The following KLHL3 variants were observed in gnomAD, a reference collection of about 807,000 sequenced individuals.
The protein encoded by KLHL3 is kelch like family member 3.
A neutral mutation model predicts 70.5 loss-of-function variants in KLHL3; 19 were observed. The ratio of observed to expected loss-of-function variants is 0.27; its 90% CI spans 0.19 to 0.40. The LOEUF (loss-of-function observed/expected upper bound fraction) is 0.40. KLHL3 is among the 10% of genes least tolerant of loss of function. The pLI, the probability that KLHL3 is intolerant of heterozygous loss-of-function variation, is 1.00. For missense variants in KLHL3, 512 were observed against 771.1 expected (o/e 0.66, Z 3.98); for synonymous variants, 258 against 290.3 (o/e 0.89, Z 1.13).
chr5:137,656,059 CA>C (rs959231157), intron 8 of KLHL3, among the ~76,000 whole-genome samples: 13 of 149,702 alleles, frequency 8.7e-5, no homozygotes, highest in Admixed American at 8.0e-4. Context: ...AAAAATGAGC[CA>C]GGGACATGAA....
At chr5:137,690,554 A>C (rs943749327) in intron 5 of KLHL3, among the ~76,000 whole-genome samples, 1 of 152,104 alleles carries the variant, frequency 6.6e-6, no homozygotes, top group Non-Finnish European at 1.5e-5. Context: ...CAGGACTCAG[A>C]ATTGAGGCTA....
chr5:137,703,063 G>GT (rs796929059), intron 3 of KLHL3, among the ~76,000 whole-genome samples: 45 of 152,286 alleles, frequency 3.0e-4, no homozygotes, highest in African/African-American at 9.4e-4. Context: ...AGGTTATTAA[G>GT]TAAATAAAGC....
At chr5:137,713,526 T>G (rs544732735) in intron 2 of KLHL3, among the ~76,000 whole-genome samples, 1 of 152,214 alleles carries the variant, frequency 6.6e-6, no homozygotes, top group Non-Finnish European at 1.5e-5. Flanking sequence ...ATACAAAAAT[T>G]TACTTAAAAT....
At chr5:137,716,294 C>G (rs962132251) in intron 2 of KLHL3, among the ~76,000 whole-genome samples, 10 of 151,888 alleles carry the variant, frequency 6.6e-5, no homozygotes, top group African/African-American at 2.4e-4. Flanking sequence ...AAGTGATCCT[C>G]CTGCAAAGCT....
At chr5:137,704,229 C>T (rs1042650013) in intron 3 of KLHL3, among the ~76,000 whole-genome samples, 10 of 151,870 alleles carry the variant, frequency 6.6e-5, no homozygotes, top group African/African-American at 9.7e-5. Flanking sequence ...ACTAAAAATA[C>T]AAAAAATTAG....
chr5:137,664,688 C>T (rs1458204566), intron 6 of KLHL3, among the ~76,000 whole-genome samples: 3 of 151,908 alleles, frequency 2.0e-5, no homozygotes, highest in East Asian at 1.9e-4. Context: ...CATGGTGGCA[C>T]GTGTCTGTAG....
At chr5:137,678,900 C>T (rs1268877842) in intron 5 of KLHL3, among the ~76,000 whole-genome samples, 1 of 151,984 alleles carries the variant, frequency 6.6e-6, no homozygotes, top group Non-Finnish European at 1.5e-5. Flanking sequence ...CATCTTGAAA[C>T]TCAGGAATAT....
At chr5:137,718,911 G>T (rs1181996351) in intron 2 of KLHL3, among the ~76,000 whole-genome samples, 2 of 152,216 alleles carry the variant, frequency 1.3e-5, no homozygotes, top group Non-Finnish European at 2.9e-5. Flanking sequence ...AGGCCCTGTA[G>T]AAAGGAGACA....
chr5:137,646,898 T>C (rs887410627), intron 8 of KLHL3, among the ~76,000 whole-genome samples: 2 of 152,220 alleles, frequency 1.3e-5, no homozygotes, highest in South Asian at 2.1e-4. Flanking sequence ...ACAATTATGC[T>C]AGACTGAACA....
chr5:137,674,164 T>C (rs988156237), intron 6 of KLHL3, among the ~76,000 whole-genome samples: 1 of 152,226 alleles, frequency 6.6e-6, no homozygotes, highest in African/African-American at 2.4e-5. Flanking sequence ...ACAAGGTAGA[T>C]ACTATACTAC....
In KLHL3 at chr5:137,652,256, A is replaced by G. The variant is rs1298440809; in HGVS notation, c.903+5875T>C. Among the ~76,000 whole-genome samples, 3 of 152,228 alleles carry G rather than the reference A, an allele frequency of 2.0e-5. No individual in the cohort carries two copies. In the East Asian group the frequency reaches 5.8e-4, roughly 29 times the overall value. On this transcript the variant is annotated intron_variant, in intron 8 of 14. Transcript: ENST00000309755. ...ACAGCCACCATGGAAAACAGTGTGGAACTTGCTCAAAAAAATAAAAATAGA... is the reference window on the plus strand; with the variant it reads ...ACAGCCACCATGGAAAACAGTGTGGGACTTGCTCAAAAAAATAAAAATAGA...
rs1272332251 is a variant in KLHL3 at position 137,662,049 on chromosome 5, A to G, written c.637-18T>C. The G allele has an allele frequency of 3.1e-6, 4 of 1,293,510 alleles. No homozygotes were observed. The Admixed American group carries it at 5.2e-5, about 17-fold the overall frequency. The allele number at this position is 1,293,510 out of a possible 1,614,324, so 80.1% of individuals were successfully genotyped here. On this transcript the variant is annotated intron_variant, in intron 6 of 14. Transcript: ENST00000309755. The stretch of plus-strand genomic sequence containing the variant: ...TCAAACACCTATAAAGAAAAGCAAC[A>G]TGGGCAACTTCAGTAAAGAGACAAA...
At chr5:137,682,579 CCT>C (rs1752058732) in intron 5 of KLHL3, among the ~76,000 whole-genome samples, 1 of 152,056 alleles carries the variant, frequency 6.6e-6, no homozygotes, top group Non-Finnish European at 1.5e-5. Context: ...AAGATATTTC[CCT>C]AATCCCCCCA....
intron 6 of KLHL3, among the ~76,000 whole-genome samples, chr5:137,675,825 T>C (rs1478960569): frequency 6.6e-6 from 1 of 152,192 alleles, no homozygotes; most frequent in Non-Finnish European, 1.5e-5. Context: ...ATCCCAAGAT[T>C]ATTCAAATCC....
chr5:137,705,509 T>TG (rs1327897659), intron 3 of KLHL3, among the ~76,000 whole-genome samples: 2 of 152,194 alleles, frequency 1.3e-5, no homozygotes, highest in African/African-American at 4.8e-5. Context: ...TAATAAAAAC[T>TG]GGACAGTAAC....
At chr5:137,625,723 C>A in intron 14 of KLHL3, 30 bp downstream of exon 14, 3 of 1,613,130 alleles carry the variant, frequency 1.9e-6, no homozygotes, top group Non-Finnish European at 2.5e-6. Flanking sequence ...GGAGGCCTCT[C>A]GGATGGGCAT....
intron 8 of KLHL3, among the ~76,000 whole-genome samples, chr5:137,652,060 C>A (rs1364162395): frequency 6.6e-6 from 1 of 151,924 alleles, no homozygotes; most frequent in African/African-American, 2.4e-5. Context: ...CAAAAAAAAA[C>A]TTCTCAAAAT....
chr5:137,649,388 T>C (rs1751142190), intron 8 of KLHL3, among the ~76,000 whole-genome samples: 1 of 152,220 alleles, frequency 6.6e-6, no homozygotes, highest in Non-Finnish European at 1.5e-5. Context: ...AGCCAGCATG[T>C]CATGAGGACA....
At position 137,713,153 on chromosome 5, in the gene KLHL3, CAAAAAAA is replaced by C. The variant is rs958291877; in HGVS notation, c.135-3304_135-3298del. 1.8e-3 allele frequency among the ~76,000 whole-genome samples: 71 copies of C among 38,468 alleles called. 1 individual carries two copies. Among genetic ancestry groups the C allele is most frequent in the African/African-American group, 6.3e-3 (60 of 9,562 alleles). 25.2% of individuals were successfully genotyped at this position (38,468 alleles called of 152,430 possible). A position where few individuals can be genotyped will look rare whatever the true frequency, so the allele number is the denominator to read the frequency against. Reference sequence around the variant, plus strand: ...AGAGGTTGAGGGGAGGAATAACCAGCAAAAAAAAAAAAAAAAAAAAAAAGTGTGTAGC... The same window carrying C: ...AGAGGTTGAGGGGAGGAATAACCAGCAAAAAAAAAAAAAAAAGTGTGTAGC... On this transcript the variant is annotated intron_variant, in intron 2 of 14. Coordinates refer to ENST00000309755, the MANE Select transcript of KLHL3 (RefSeq NM_017415.3).
Sources: allele counts gnomAD v4.1 joint callset (sites outside exome capture counted in the v4.1 genomes callset), GRCh38; gene constraint gnomAD v4.1.1; transcripts MANE v1.5; gene names NCBI Gene and HGNC (gene_info 2026-07-23, HGNC 2026-07-21).